Variants in RTN4 observed in about 807,000 individuals in gnomAD.
The protein encoded by RTN4 is reticulon-4.
Under a neutral mutation model 90.4 loss-of-function variants are expected in RTN4, and 32 were observed. The observed-to-expected ratio is 0.35, with a 90% CI of 0.27 to 0.48. The LOEUF (loss-of-function observed/expected upper bound fraction) is 0.48, where lower values mean the gene tolerates loss of function less well. Ranked by LOEUF, RTN4 falls within the 20% of genes least tolerant of loss-of-function variation. The probability of loss-of-function intolerance (pLI) is 0.99; values close to 1 mark genes in which losing one functional copy is unlikely to be tolerated. For missense variants in RTN4, 1,706 were observed against 1,430.2 expected (o/e 1.19, Z -3.11); for synonymous variants, 629 against 552.5 (o/e 1.14, Z -1.94).
Position 55,022,364 on chromosome 2 carries a change from C to T in RTN4, c.3013+2722G>A, listed in dbSNP as rs192888280. 1.4e-4 allele frequency among the ~76,000 whole-genome samples: 21 copies of T among 152,292 alleles called. No homozygotes were observed. In the East Asian group the frequency reaches 3.5e-3, roughly 25 times the overall value. On this transcript the variant is annotated intron_variant, in intron 3 of 8. Coordinates refer to ENST00000337526, the MANE Select transcript of RTN4 (RefSeq NM_020532.5). ...ACCCCCATTCCACTGTGAACCAGCT[C>T]CTCTACTCCTCAACATCTTTACTGA...
At chr2:55,109,002 A>C (rs1667991207) in intron 1 of RTN4, among the ~76,000 whole-genome samples, 1 of 152,132 alleles carries the variant, frequency 6.6e-6, no homozygotes, top group Non-Finnish European at 1.5e-5. Flanking sequence ...CAGCAGGCTC[A>C]GCTGGACACG....
chr2:54,995,280 C>G (rs758304421), intron 3 of RTN4, among the ~76,000 whole-genome samples: 1 of 151,802 alleles, frequency 6.6e-6, no homozygotes, highest in Non-Finnish European at 1.5e-5. Flanking sequence ...CAAAACACTT[C>G]TACTATTAAA....
In RTN4 at chr2:55,050,384, G is replaced by A; in HGVS notation, c.-84C>T. The A allele has an allele frequency of 1.1e-6, 1 of 880,208 alleles. No individual in the cohort carries two copies. Among genetic ancestry groups the A allele is most frequent in the Non-Finnish European group, 1.6e-6 (1 of 627,124 alleles). 54.5% of individuals were successfully genotyped at this position (880,208 alleles called of 1,614,324 possible). A position where few individuals can be genotyped will look rare whatever the true frequency, so the allele number is the denominator to read the frequency against. On this transcript the variant is annotated 5_prime_UTR_variant, in exon 1 of 9. Coordinates refer to ENST00000337526, the MANE Select transcript of RTN4 (RefSeq NM_020532.5). The surrounding 1 kb of genome is among the most constrained non-coding windows in gnomAD (Gnocchi z 4.6). Reference sequence around the variant, plus strand: ...GAGCCGCGGGCGGTTGTGGGGGTTGGGGAGGACTGAGAGGGGCTGGGCCGA... The same window carrying A: ...GAGCCGCGGGCGGTTGTGGGGGTTGAGGAGGACTGAGAGGGGCTGGGCCGA...
chr2:55,031,808 T>C (rs1682336863), intron 1 of RTN4, among the ~76,000 whole-genome samples: 1 of 152,182 alleles, frequency 6.6e-6, no homozygotes, highest in Non-Finnish European at 1.5e-5. Flanking sequence ...AGACAAAGGC[T>C]GTATGGCCCA....
At chr2:55,043,387 G>C (rs753766791) in intron 1 of RTN4, among the ~76,000 whole-genome samples, 2 of 152,168 alleles carry the variant, frequency 1.3e-5, no homozygotes, top group Non-Finnish European at 2.9e-5. Flanking sequence ...GGCTAGCAAA[G>C]TACCTTAAAA....
chr2:55,106,312 T>C (rs574199385), intron 1 of RTN4, among the ~76,000 whole-genome samples: 83 of 151,970 alleles, frequency 5.5e-4, no homozygotes, highest in African/African-American at 1.7e-3. Context: ...TCCTCCCCCA[T>C]AGCTTTTCCT....
chr2:55,032,679 C>T (rs1183746590), intron 1 of RTN4, among the ~76,000 whole-genome samples: 1 of 152,100 alleles, frequency 6.6e-6, no homozygotes, highest in Admixed American at 6.5e-5. Flanking sequence ...AACAGAGCCT[C>T]AGTGCTGAGA....
chr2:55,057,782 G>C (rs1207574853), intron 2 of RTN4, among the ~76,000 whole-genome samples: 1 of 152,136 alleles, frequency 6.6e-6, no homozygotes, highest in East Asian at 1.9e-4. Flanking sequence ...CCAGTAGTTT[G>C]AGAACAGCCT....
At chr2:55,091,197 A>G (rs1300070886) in intron 1 of RTN4, among the ~76,000 whole-genome samples, 1 of 152,108 alleles carries the variant, frequency 6.6e-6, no homozygotes, top group Non-Finnish European at 1.5e-5. Context: ...ACCATTTACA[A>G]TCATTCATGG....
chr2:55,059,257 G>C (rs1169779836), intron 2 of RTN4, among the ~76,000 whole-genome samples: 1 of 151,172 alleles, frequency 6.6e-6, no homozygotes, highest in Admixed American at 6.6e-5. Context: ...TTTTTGTTTT[G>C]CCTGTGCTGA....
intron 1 of RTN4, among the ~76,000 whole-genome samples, chr2:55,028,731 T>C (rs1388539388): frequency 6.6e-6 from 1 of 152,198 alleles, no homozygotes; most frequent in African/African-American, 2.4e-5. Context: ...TCATTGTACA[T>C]TGCTCTTTGA....
intron 1 of RTN4, among the ~76,000 whole-genome samples, chr2:55,041,428 C>T (rs1397163505): frequency 6.6e-6 from 1 of 151,944 alleles, no homozygotes; most frequent in Non-Finnish European, 1.5e-5. Context: ...AAATTATACA[C>T]ACATAAGATA....
At chr2:55,078,079 A>G (rs1221064518) in intron 2 of RTN4, among the ~76,000 whole-genome samples, 6 of 152,078 alleles carry the variant, frequency 3.9e-5, no homozygotes, top group African/African-American at 1.4e-4. Context: ...AGTACAGTGT[A>G]TAGTGCTCAG....
At chr2:55,007,676 C>A (rs1416980823) in intron 3 of RTN4, among the ~76,000 whole-genome samples, 1 of 152,042 alleles carries the variant, frequency 6.6e-6, no homozygotes, top group Non-Finnish European at 1.5e-5. Context: ...TTGCCAGGCC[C>A]TACAAAATCT....
intron 2 of RTN4, among the ~76,000 whole-genome samples, chr2:55,077,851 G>T (rs1260800110): frequency 2.0e-5 from 3 of 151,626 alleles, no homozygotes; most frequent in Non-Finnish European, 4.4e-5. Flanking sequence ...GCATTTGCAG[G>T]AGCCTGGACA....
chr2:55,033,021 C>T (rs1222148583), intron 1 of RTN4, among the ~76,000 whole-genome samples: 1 of 150,796 alleles, frequency 6.6e-6, no homozygotes, highest in African/African-American at 2.4e-5. Flanking sequence ...CAGTTAAGAC[C>T]CTGTCTCTTT....
chr2:55,127,111 C>G, the RTN4 span, among the ~76,000 whole-genome samples: 1 of 152,070 alleles, frequency 6.6e-6, no homozygotes, highest in African/African-American at 2.4e-5. Flanking sequence ...ACACCCATAA[C>G]TCGTGTTTAT....
chr2:55,131,985 C>A, the RTN4 span, among the ~76,000 whole-genome samples: 1 of 151,288 alleles, frequency 6.6e-6, no homozygotes, highest in South Asian at 2.1e-4. Context: ...TAATGGTATA[C>A]CATGTTTTAT....
At chr2:54,987,343 G>C in intron 4 of RTN4, 148 bp downstream of exon 4, 1 of 646,126 alleles carries the variant, frequency 1.5e-6, no homozygotes, top group Non-Finnish European at 2.7e-6. Flanking sequence ...CTCAAAAGCA[G>C]ATGTTTTTGG....
Sources: allele counts gnomAD v4.1 joint callset (sites outside exome capture counted in the v4.1 genomes callset), GRCh38; gene constraint gnomAD v4.1.1; non-coding constraint Gnocchi (gnomAD v3.1); transcripts MANE v1.5; gene names NCBI Gene and HGNC (gene_info 2026-07-23, HGNC 2026-07-21).